The following ARHGAP26 variants were observed in gnomAD, a reference collection of about 807,000 sequenced individuals.
ARHGAP26 encodes Rho GTPase activating protein 26.
In ARHGAP26, 38 loss-of-function variants were observed where a neutral mutation model predicts 104.8. That is an observed-to-expected ratio of 0.36 (90% CI 0.28 to 0.48). The LOEUF is 0.48. Among genes scored for constraint, ARHGAP26 ranks in the 20% least tolerant of loss-of-function variants. The pLI is 0.99. For missense variants in ARHGAP26, 704 were observed against 947.9 expected (o/e 0.74, Z 3.38); for synonymous variants, 341 against 340.0 (o/e 1.00, Z -0.03).
intron 1 of ARHGAP26, among the ~76,000 whole-genome samples, chr5:142,786,839 G>A (rs995751854): frequency 2.0e-5 from 3 of 151,882 alleles, no homozygotes; most frequent in Non-Finnish European, 2.9e-5. Context: ...TAGAGACGGG[G>A]TTTCACCATG....
chr5:143,022,334 A>G (rs1459146996), intron 12 of ARHGAP26, among the ~76,000 whole-genome samples: 1 of 152,152 alleles, frequency 6.6e-6, no homozygotes, highest in African/African-American at 2.4e-5. Flanking sequence ...CGGCCTCCCA[A>G]AGTGTTGGGA....
At chr5:143,105,378 AAAATAAATAAAT>A (rs34365485) in intron 17 of ARHGAP26, among the ~76,000 whole-genome samples, 2,321 of 140,448 alleles carry the variant, frequency 0.017, 26 homozygotes, top group African/African-American at 0.032. Context: ...CTCCATCTCA[AAAATAAATAAAT>A]AAATAAATAA....
chr5:143,207,227 T>A lies in ARHGAP26; in HGVS notation c.2018T>A (p.Leu673His). 2 of 1,614,050 alleles carry A rather than the reference T, an allele frequency of 1.2e-6. No homozygotes were observed. The highest frequency in any genetic ancestry group is 8.5e-7 in the Non-Finnish European group (1 of 1,179,986). Residue 673 changes from leucine (L) to histidine (H), a missense_variant, in exon 21 of 23, where the codon CTC (leucine) becomes CAC (histidine). This residue lies in a region of ARHGAP26 where 217 missense variants were observed against 242.6 expected (regional missense o/e 0.89). Coordinates refer to ENST00000645722, the MANE Select transcript of ARHGAP26 (RefSeq NM_001135608.3). ...LPPNPSPTSPLSPSWPMFSAP... is the reference protein window; with the variant it reads ...LPPNPSPTSPHSPSWPMFSAP... ...CCGAATCCAAGCCCAACTTCACCCC[T>A]CTCGCCATCTTGGCCCATGTTCTCG...
At chr5:142,776,676 T>G (rs1244931952) in intron 1 of ARHGAP26, among the ~76,000 whole-genome samples, 1 of 152,364 alleles carries the variant, frequency 6.6e-6, no homozygotes, top group East Asian at 1.9e-4. Context: ...TTTTTTGCTC[T>G]TATGAATAAT....
At chr5:143,048,029 A>T (rs1784461095) in intron 14 of ARHGAP26, among the ~76,000 whole-genome samples, 1 of 151,962 alleles carries the variant, frequency 6.6e-6, no homozygotes, top group Admixed American at 6.6e-5. Context: ...GTATCTTTTT[A>T]GTAGAGTCAA....
chr5:142,833,038 C>A (rs1005251836), intron 1 of ARHGAP26, among the ~76,000 whole-genome samples: 1 of 151,802 alleles, frequency 6.6e-6, no homozygotes, highest in Admixed American at 6.6e-5. Flanking sequence ...CATAATCTTA[C>A]CACAGAGAAC....
chr5:142,808,234 C>CGGG (rs1481319108), intron 1 of ARHGAP26, among the ~76,000 whole-genome samples: 2 of 52,658 alleles, frequency 3.8e-5, no homozygotes, highest in African/African-American at 2.1e-4. Context: ...GACATTGTCT[C>CGGG]GGAAAAAAAA....
At chr5:142,853,771 G>A (rs1220557589) in intron 1 of ARHGAP26, among the ~76,000 whole-genome samples, 1 of 152,168 alleles carries the variant, frequency 6.6e-6, no homozygotes, top group Admixed American at 6.5e-5. Context: ...TCAGTGTGTA[G>A]GCAGCACTTA....
intron 1 of ARHGAP26, among the ~76,000 whole-genome samples, chr5:142,833,057 CT>C (rs917304397): frequency 1.3e-5 from 2 of 150,910 alleles, no homozygotes; most frequent in South Asian, 2.1e-4. Flanking sequence ...ACTTTTATTT[CT>C]TTTTTTTTGT....
intron 14 of ARHGAP26, among the ~76,000 whole-genome samples, chr5:143,045,913 A>G (rs1784163866): frequency 6.6e-6 from 1 of 152,116 alleles, no homozygotes; most frequent in South Asian, 2.1e-4. Flanking sequence ...GTGAGCGATC[A>G]CCTGAAGTCA....
intron 5 of ARHGAP26, among the ~76,000 whole-genome samples, chr5:142,893,217 C>A (rs1323798191): frequency 6.6e-6 from 1 of 152,068 alleles, no homozygotes; most frequent in Non-Finnish European, 1.5e-5. Context: ...ACCTCGTGAT[C>A]CGCCCACCTC....
intron 20 of ARHGAP26, among the ~76,000 whole-genome samples, chr5:143,185,487 A>G (rs1805000133): frequency 6.6e-6 from 1 of 152,232 alleles, no homozygotes; most frequent in Non-Finnish European, 1.5e-5. Flanking sequence ...CGAAGTAGAA[A>G]GAAAGTAAGC....
In ARHGAP26 at chr5:142,963,188, A is replaced by ATG. The variant is rs1554172219; in HGVS notation, c.1107+31064_1107+31065insGT. Among the ~76,000 whole-genome samples the ATG allele has an allele frequency of 3.7e-4, 41 of 109,796 alleles. 1 individual carries two copies. The highest frequency in any genetic ancestry group is 1.8e-3 in the African/African-American group (35 of 19,554). The allele number at this position is 109,796 out of a possible 152,430, so 72.0% of individuals were successfully genotyped here. A position where few individuals can be genotyped will look rare whatever the true frequency, so the allele number is the denominator to read the frequency against. On this transcript the variant is annotated intron_variant, in intron 11 of 22. Transcript: ENST00000645722. ...GGTATATATGTATATATATATATATATATATATATATGTGTGTGTGTGTGT... is the reference window on the plus strand; with the variant it reads ...GGTATATATGTATATATATATATATATGTATATATATATGTGTGTGTGTGTGT...
chr5:142,905,982 A>G (rs1281779800), intron 8 of ARHGAP26, among the ~76,000 whole-genome samples: 6 of 152,180 alleles, frequency 3.9e-5, no homozygotes, highest in Admixed American at 3.3e-4. Flanking sequence ...GTCTCCTTTA[A>G]TCTGGAACAG....
chr5:142,957,676 C>T (rs991340158), intron 11 of ARHGAP26, among the ~76,000 whole-genome samples: 9 of 152,234 alleles, frequency 5.9e-5, no homozygotes, highest in Admixed American at 5.2e-4. Flanking sequence ...TGCCAGGAAG[C>T]CTCTTCTCGC....
chr5:143,091,668 A>G (rs961884759), intron 17 of ARHGAP26, among the ~76,000 whole-genome samples: 12 of 152,226 alleles, frequency 7.9e-5, no homozygotes, highest in African/African-American at 2.9e-4. Flanking sequence ...ATAGTTATCC[A>G]ATTTTAACAT....
At chr5:143,193,210 C>G (rs1421126987) in intron 20 of ARHGAP26, among the ~76,000 whole-genome samples, 1 of 148,610 alleles carries the variant, frequency 6.7e-6, no homozygotes, top group Non-Finnish European at 1.5e-5. Context: ...ATCAGATTGA[C>G]TCCAGGTATT....
intron 11 of ARHGAP26, among the ~76,000 whole-genome samples, chr5:142,991,631 G>A (rs951072556): frequency 3.9e-5 from 6 of 152,096 alleles, no homozygotes; most frequent in African/African-American, 4.8e-5. Context: ...TTTACTGTAC[G>A]TTTTCTATGT....
At chr5:142,785,992 T>G (rs955642732) in intron 1 of ARHGAP26, among the ~76,000 whole-genome samples, 4 of 148,432 alleles carry the variant, frequency 2.7e-5, no homozygotes, top group Non-Finnish European at 4.5e-5. Context: ...TTTTTTTTTT[T>G]AAATAGACAG....
Sources: allele counts gnomAD v4.1 joint callset (sites outside exome capture counted in the v4.1 genomes callset), GRCh38; gene constraint gnomAD v4.1.1; regional missense constraint gnomAD v4.1.1; transcripts MANE v1.5; gene names NCBI Gene and HGNC (gene_info 2026-07-23, HGNC 2026-07-21).